Variants in ACTN1 observed in about 807,000 individuals in gnomAD.
ACTN1 encodes alpha-actinin-1.
Under a neutral mutation model 119.6 loss-of-function variants are expected in ACTN1, and 30 were observed. The ratio of observed to expected loss-of-function variants is 0.25; its 90% CI spans 0.19 to 0.34. The LOEUF is 0.34. Ranked by LOEUF, ACTN1 falls within the 10% of genes least tolerant of loss-of-function variation. The pLI is 1.00. For missense variants in ACTN1, 764 were observed against 1,223.4 expected, an observed-to-expected ratio of 0.62 and a Z score of 5.60; for synonymous variants, 429 against 472.6, an observed-to-expected ratio of 0.91 and a Z score of 1.20.
chr14:68,920,941 A>T, intron 3 of ACTN1, 65 bp downstream of exon 3: 1 of 1,590,376 alleles, frequency 6.3e-7, no homozygotes, highest in African/African-American at 1.3e-5. Flanking sequence ...AGCACAAAAA[A>T]GGCCAAGAGA....
At position 68,909,859 on chromosome 14, in the gene ACTN1, T is replaced by C. The variant is rs1005954307; in HGVS notation, c.515+96A>G. ...CTTCTTCCCCCAGAGGTCTCCACTTTGTTCTAAAGCTGAGACTGACCCAGC... is the reference window on the plus strand; with the variant it reads ...CTTCTTCCCCCAGAGGTCTCCACTTCGTTCTAAAGCTGAGACTGACCCAGC... On this transcript the variant is annotated intron_variant, in intron 5 of 21. Transcript: ENST00000394419. The surrounding 1 kb of genome is among the most constrained non-coding windows in gnomAD (Gnocchi z 4.1). The C allele has an allele frequency of 2.8e-5, 29 of 1,031,454 alleles. No individual in the cohort carries two copies. The highest frequency in any genetic ancestry group is 4.3e-5 in the Non-Finnish European group (29 of 681,818). The allele number at this position is 1,031,454 out of a possible 1,614,324, so 63.9% of individuals were successfully genotyped here. A position where few individuals can be genotyped will look rare whatever the true frequency, so the allele number is the denominator to read the frequency against.
rs777359180 is a variant in ACTN1, at chr14:68,909,415, G to T, written c.516-19C>A. The T allele has an allele frequency of 1.5e-5, 24 of 1,613,462 alleles. No homozygotes were observed. The Admixed American group carries it at 1.5e-4, about 10-fold the overall frequency. On this transcript the variant is annotated intron_variant, in intron 5 of 21. Coordinates refer to ENST00000394419, the MANE Select transcript of ACTN1 (RefSeq NM_001130004.2). The surrounding 1 kb of genome is among the most constrained non-coding windows in gnomAD (Gnocchi z 4.1). ...CTTCCAGCTGCCCGGGGAGAGAGAA[G>T]AAGGAGCAGGCTGGTAAATGAGGCT...
chr14:68,917,676 T>A (rs1594810934), intron 3 of ACTN1, among the ~76,000 whole-genome samples: 1 of 152,244 alleles, frequency 6.6e-6, no homozygotes, highest in East Asian at 1.9e-4. Context: ...ATCTTGGTGC[T>A]CAGCCTGATG....
intron 1 of ACTN1, among the ~76,000 whole-genome samples, chr14:68,953,535 T>C (rs2036240389): frequency 6.6e-6 from 1 of 152,104 alleles, no homozygotes; most frequent in Non-Finnish European, 1.5e-5. Context: ...ACACTAAAGA[T>C]GCTCAAAGTG....
At chr14:68,877,302 G>A (rs1296767094) in intron 20 of ACTN1, 62 bp from the exon 21 acceptor site, 1 of 1,593,288 alleles carries the variant, frequency 6.3e-7, no homozygotes, top group Non-Finnish European at 8.6e-7. Flanking sequence ...ATCTCATATG[G>A]ACTGAAGACC....
chr14:68,884,972 G>T, intron 12 of ACTN1, 89 bp from the exon 13 acceptor site: 2 of 1,125,454 alleles, frequency 1.8e-6, no homozygotes, highest in Non-Finnish European at 2.7e-6. Flanking sequence ...TGGGGTGGCT[G>T]GTGGTGCTGG....
chr14:68,875,100 G>A (rs756601539), intron 21 of ACTN1, 83 bp from the exon 22 acceptor site: 10 of 1,581,086 alleles, frequency 6.3e-6, no homozygotes, highest in Non-Finnish European at 8.6e-6. Flanking sequence ...AAAGCCTGGC[G>A]GCGTGAAGGC....
intron 1 of ACTN1, chr14:68,936,615 A>G (rs2035529660): frequency 5.1e-6 from 3 of 589,388 alleles, no homozygotes; most frequent in Admixed American, 2.3e-5. Context: ...ACAACCTTCC[A>G]AAAGCACCGA....
Position 68,904,881 on chromosome 14 carries a change from TG to T in ACTN1, c.595-146del, listed in dbSNP as rs1013222268. On this transcript the variant is annotated intron_variant, in intron 6 of 21. Coordinates refer to ENST00000394419, the MANE Select transcript of ACTN1 (RefSeq NM_001130004.2). The stretch of plus-strand genomic sequence containing the variant: ...GATCCTCAGGGGACAGCTCCAGATG[TG>T]GAAGGCTGGTCTCACCACTGGGGCT... 58 of 624,536 alleles carry T rather than the reference TG, an allele frequency of 9.3e-5. No homozygotes were observed. In the African/African-American group the frequency reaches 9.7e-4, roughly 10 times the overall value. The allele number at this position is 624,536 out of a possible 1,614,324, so 38.7% of individuals were successfully genotyped here.
Position 68,882,528 on chromosome 14 carries a change from T to C in ACTN1, c.1883A>G (p.Asn628Ser). 2 of 1,614,212 alleles carry C rather than the reference T, an allele frequency of 1.2e-6. No individual in the cohort carries two copies. The highest frequency in any genetic ancestry group is 1.7e-6 in the Non-Finnish European group (2 of 1,180,038). Residue 628 changes from asparagine to serine, a missense_variant, in exon 16 of 22, where the codon AAT (asparagine) becomes AGT (serine). By Grantham distance (46) the Asn-to-Ser change is conservative. This residue lies in a region of ACTN1 where 544 missense variants were observed against 912.0 expected (regional missense o/e 0.60). Transcript: ENST00000394419. This position sits in a 1 kb window ranked among gnomAD's most constrained non-coding sequence, Gnocchi z 4.5. ...TCCAAACTGCTTGCGTAGCCTCTCA[T>C]TGTGCTGCTGTCGGGCATGCTCCTC... ...LTEEHARQQH[N>S]ERLRKQFGAQ...
Position 68,880,106 on chromosome 14 carries a change from G to A in ACTN1, c.2136C>T (p.His712=), listed in dbSNP as rs2031354885. The A allele has an allele frequency of 1.2e-6, 2 of 1,613,772 alleles. No homozygotes were observed. The highest frequency in any genetic ancestry group is 1.7e-6 in the Non-Finnish European group (2 of 1,179,886). The change falls in exon 18 of 22, where the codon CAC becomes CAT. Residue 712 remains histidine, a splice_region_variant and synonymous_variant. Coordinates refer to ENST00000394419, the MANE Select transcript of ACTN1 (RefSeq NM_001130004.2). This position sits in a 1 kb window ranked among gnomAD's most constrained non-coding sequence, Gnocchi z 4.6. Reference sequence around the variant, plus strand: ...GCAGCTGCTCCCAGCCCACACGGATGTGCTGCAGGACGGCAAGGGGCCTGT... The same window carrying A: ...GCAGCTGCTCCCAGCCCACACGGATATGCTGCAGGACGGCAAGGGGCCTGT... The part of the protein sequence containing the change: ...DNKHTNYTME[H]IRVGWEQLLT...
chr14:68,923,746 C>T (rs2034771338), intron 2 of ACTN1, among the ~76,000 whole-genome samples: 1 of 152,158 alleles, frequency 6.6e-6, no homozygotes, highest in Non-Finnish European at 1.5e-5. Context: ...AGCAGTTCCA[C>T]TTTGGGGAAT....
Position 68,893,885 on chromosome 14 carries a change from C to T in ACTN1, c.763-138G>A, listed in dbSNP as rs998504115. The T allele has an allele frequency of 5.4e-6, 4 of 735,020 alleles. No individual in the cohort carries two copies. The African/African-American group carries it at 7.1e-5, about 13-fold the overall frequency. The allele number at this position is 735,020 out of a possible 1,614,324, so 45.5% of individuals were successfully genotyped here. ...GGGAGTTAAGAAGGCTGTGAGGTCACATTCCTCCTCTCTCCTTACCATCCT... is the reference window on the plus strand; with the variant it reads ...GGGAGTTAAGAAGGCTGTGAGGTCATATTCCTCCTCTCTCCTTACCATCCT... On this transcript the variant is annotated intron_variant, in intron 8 of 21. Coordinates refer to ENST00000394419, the MANE Select transcript of ACTN1 (RefSeq NM_001130004.2).
chr14:68,938,668 G>A (rs1167419660), intron 1 of ACTN1, among the ~76,000 whole-genome samples: 1 of 152,062 alleles, frequency 6.6e-6, no homozygotes, highest in Non-Finnish European at 1.5e-5. Flanking sequence ...ACCTTACAAT[G>A]GGGATAAAGA....
chr14:68,923,611 A>C (rs2034765865), intron 2 of ACTN1, among the ~76,000 whole-genome samples: 1 of 152,062 alleles, frequency 6.6e-6, no homozygotes, highest in African/African-American at 2.4e-5. Context: ...GGAGTTCAAT[A>C]CCAGCCTGGC....
At chr14:68,924,217 A>G (rs1176273204) in intron 2 of ACTN1, among the ~76,000 whole-genome samples, 2 of 152,244 alleles carry the variant, frequency 1.3e-5, no homozygotes, top group Admixed American at 6.5e-5. Context: ...CAGTCAGTGC[A>G]TGCCCTTAAT....
At position 68,891,951 on chromosome 14, in the gene ACTN1, G is replaced by A. The variant is rs147088278; in HGVS notation, c.1086+102C>T. ...AGTGTATGTAGGTAGAAGCAAACAC[G>A]CCCATCCGCACCCCCATAAAGCTGA... On this transcript the variant is annotated intron_variant, in intron 10 of 21. Transcript: ENST00000394419. 6.2e-4 allele frequency: 873 copies of A among 1,397,906 alleles called. 2 individuals are homozygous for A. The African/African-American group carries it at 8.5e-3, about 14-fold the overall frequency. The allele number at this position is 1,397,906 out of a possible 1,614,324, so 86.6% of individuals were successfully genotyped here.
In ACTN1 at chr14:68,874,975, C is replaced by T; in HGVS notation, c.2629G>A (p.Asp877Asn). Residue 877 changes from aspartate (D) to asparagine (N), a missense_variant, in exon 22 of 22, where the codon GAC becomes AAC. By Grantham distance (23) the Asp-to-Asn change is conservative. Coordinates refer to ENST00000394419, the MANE Select transcript of ACTN1 (RefSeq NM_001130004.2). Reference sequence around the variant, plus strand: ...CGCGCGATGCAGTACTCAGCCTGGTCGGGTGGCAGCTCGCGGCGCAGCTCG... The same window carrying T: ...CGCGCGATGCAGTACTCAGCCTGGTTGGGTGGCAGCTCGCGGCGCAGCTCG... ...MDELRRELPPDQAEYCIARMA... is the reference protein window; with the variant it reads ...MDELRRELPPNQAEYCIARMA... 4 of 1,613,768 alleles carry T rather than the reference C, an allele frequency of 2.5e-6. No individual in the cohort carries two copies. The highest frequency in any genetic ancestry group is 3.4e-6 in the Non-Finnish European group (4 of 1,179,996).
chr14:68,974,703 T>C (rs928712421), intron 1 of ACTN1, among the ~76,000 whole-genome samples: 3 of 152,242 alleles, frequency 2.0e-5, no homozygotes, highest in Admixed American at 2.0e-4. Flanking sequence ...TGCATCTTTC[T>C]GGTTCCCTCT....
Sources: gnomAD v4.1 joint callset for allele counts (sites outside exome capture counted in the v4.1 genomes callset) on GRCh38, gnomAD v4.1.1 for gene constraint, gnomAD v4.1.1 regional missense constraint, Gnocchi (gnomAD v3.1) non-coding constraint, MANE v1.5 for transcripts, NCBI Gene and HGNC (gene_info 2026-07-23, HGNC 2026-07-21) for gene names.